The following LRRC4C variants were observed in gnomAD, a reference collection of about 807,000 sequenced individuals.
LRRC4C encodes the protein leucine-rich repeat-containing protein 4C.
Under a neutral mutation model 33.6 loss-of-function variants are expected in LRRC4C, and 5 were observed. That is an observed-to-expected ratio of 0.15 (90% CI 0.08 to 0.31). LRRC4C has a LOEUF of 0.31. LRRC4C is among the 10% of genes least tolerant of loss of function. The pLI is 1.00. For synonymous variants in LRRC4C, 329 were observed against 302.0 expected (o/e 1.09, Z -0.93); for missense variants, 560 against 796.7 (o/e 0.70, Z 3.58).
At chr11:40,530,249 A>G (rs930896310) in intron 3 of LRRC4C, among the ~76,000 whole-genome samples, 2 of 152,218 alleles carry the variant, frequency 1.3e-5, no homozygotes, top group South Asian at 2.1e-4. Flanking sequence ...ATAATATCCA[A>G]TTAAGCAGGA....
intron 1 of LRRC4C, among the ~76,000 whole-genome samples, chr11:41,426,028 C>A (rs545206189): frequency 2.0e-5 from 3 of 152,090 alleles, no homozygotes; most frequent in African/African-American, 7.2e-5. Context: ...TTAAACCATA[C>A]GTTGATAGAT....
At chr11:40,992,659 T>C (rs1853666718) in intron 1 of LRRC4C, among the ~76,000 whole-genome samples, 1 of 152,182 alleles carries the variant, frequency 6.6e-6, no homozygotes, top group Non-Finnish European at 1.5e-5. Flanking sequence ...TTGATCCTGG[T>C]AACATGCTCT....
chr11:41,010,791 C>T (rs991402366), intron 1 of LRRC4C, among the ~76,000 whole-genome samples: 2 of 152,074 alleles, frequency 1.3e-5, no homozygotes, highest in Non-Finnish European at 2.9e-5. Flanking sequence ...ATGGCTATGT[C>T]TGTGGCTGCT....
chr11:41,126,689 C>T (rs79011136), intron 1 of LRRC4C, among the ~76,000 whole-genome samples: 3,074 of 151,806 alleles, frequency 0.02, 54 homozygotes, highest in African/African-American at 0.045. Flanking sequence ...AGCAGAAGTT[C>T]GAAAAGTGCT....
chr11:40,438,939 T>G (rs902892951), intron 3 of LRRC4C, among the ~76,000 whole-genome samples: 1 of 144,964 alleles, frequency 6.9e-6, no homozygotes, highest in African/African-American at 2.6e-5. Context: ...TTTTTTTTTT[T>G]TTTTTTTTTG....
At chr11:40,710,600 C>T (rs1946412021) in intron 2 of LRRC4C, among the ~76,000 whole-genome samples, 1 of 152,186 alleles carries the variant, frequency 6.6e-6, no homozygotes, top group Non-Finnish European at 1.5e-5. Context: ...CTCAGAGGGG[C>T]ACCCGGCTGT....
intron 2 of LRRC4C, among the ~76,000 whole-genome samples, chr11:40,838,526 G>T (rs1952778603): frequency 6.6e-6 from 1 of 152,092 alleles, no homozygotes. Flanking sequence ...GCTTGCCAAT[G>T]AACATGAATT....
At chr11:40,437,856 T>G (rs990037410) in intron 3 of LRRC4C, among the ~76,000 whole-genome samples, 1 of 152,166 alleles carries the variant, frequency 6.6e-6, no homozygotes, top group African/African-American at 2.4e-5. Flanking sequence ...TACAGGCACA[T>G]GCCACCACGC....
At chr11:40,705,792 C>A (rs1439506034) in intron 2 of LRRC4C, among the ~76,000 whole-genome samples, 1 of 152,126 alleles carries the variant, frequency 6.6e-6, no homozygotes, top group African/African-American at 2.4e-5. Context: ...TTGTCTTCCA[C>A]AATGGATGAA....
intron 1 of LRRC4C, among the ~76,000 whole-genome samples, chr11:41,363,761 C>A (rs535306021): frequency 4.6e-5 from 7 of 152,132 alleles, no homozygotes; most frequent in Non-Finnish European, 7.3e-5. Context: ...AACTTTCTTT[C>A]CAAGTCCCAT....
intron 2 of LRRC4C, among the ~76,000 whole-genome samples, chr11:40,743,872 G>T (rs1422188332): frequency 6.6e-6 from 1 of 151,904 alleles, no homozygotes; most frequent in Non-Finnish European, 1.5e-5. Context: ...TGATAGACGT[G>T]CTCTTGTTTT....
At chr11:40,565,490 T>C (rs10837438) in intron 3 of LRRC4C, among the ~76,000 whole-genome samples, 1 of 151,990 alleles carries the variant, frequency 6.6e-6, no homozygotes, top group Non-Finnish European at 1.5e-5. Context: ...TAGCATGTTC[T>C]CATTTAGGGG....
At chr11:40,602,016 C>T (rs749629573) in intron 3 of LRRC4C, among the ~76,000 whole-genome samples, 6 of 144,798 alleles carry the variant, frequency 4.1e-5, no homozygotes, top group Admixed American at 7.2e-5. Context: ...TGGTGAAAAC[C>T]CTTCTCTACT....
chr11:40,349,613 G>C (rs981430447), intron 3 of LRRC4C, among the ~76,000 whole-genome samples: 2 of 152,010 alleles, frequency 1.3e-5, no homozygotes, highest in Non-Finnish European at 2.9e-5. Flanking sequence ...TGGATTATAC[G>C]ATAGTTCTAT....
intron 3 of LRRC4C, among the ~76,000 whole-genome samples, chr11:40,433,735 GAT>G (rs1186768865): frequency 6.6e-6 from 1 of 152,130 alleles, no homozygotes; most frequent in African/African-American, 2.4e-5. Flanking sequence ...GCCCACAGAG[GAT>G]ATATGTGTAA....
chr11:40,526,510 A>C (rs1406889255), intron 3 of LRRC4C, among the ~76,000 whole-genome samples: 1 of 152,116 alleles, frequency 6.6e-6, no homozygotes, highest in African/African-American at 2.4e-5. Flanking sequence ...GGGAAATACA[A>C]ATTGAAACTC....
intron 1 of LRRC4C, among the ~76,000 whole-genome samples, chr11:40,937,601 A>ATATG (rs1409638979): frequency 8.7e-6 from 1 of 114,714 alleles, no homozygotes; most frequent in Non-Finnish European, 1.7e-5. Flanking sequence ...GAGTGTGTGT[A>ATATG]TATGTGTGTG....
intron 3 of LRRC4C, among the ~76,000 whole-genome samples, chr11:40,512,581 C>T (rs533040442): frequency 6.6e-6 from 1 of 152,268 alleles, no homozygotes; most frequent in African/African-American, 2.4e-5. Flanking sequence ...ATGACTGAGA[C>T]ACTGGGAGAG....
chr11:40,587,595 T>G (rs1259704294), intron 3 of LRRC4C, among the ~76,000 whole-genome samples: 1 of 147,636 alleles, frequency 6.8e-6, no homozygotes, highest in Non-Finnish European at 1.5e-5. Flanking sequence ...CCATTCAGTA[T>G]GATATTGGCT....
Sources: allele counts gnomAD v4.1 joint callset (sites outside exome capture counted in the v4.1 genomes callset), GRCh38; gene constraint gnomAD v4.1.1; transcripts MANE v1.5; gene names NCBI Gene and HGNC (gene_info 2026-07-23, HGNC 2026-07-21).